The following HTR4 variants were observed in gnomAD, a reference collection of about 807,000 sequenced individuals.
The protein encoded by HTR4 is 5-hydroxytryptamine (serotonin) receptor 4, G protein-coupled.
A neutral mutation model predicts 36.8 loss-of-function variants in HTR4; 16 were observed. The observed-to-expected ratio is 0.43, with a 90% CI of 0.29 to 0.66. HTR4 has a LOEUF of 0.66. Ranked by LOEUF, HTR4 falls within the 30% of genes least tolerant of loss-of-function variation. HTR4 has a pLI of 0.13. For missense variants in HTR4, 438 were observed against 490.9 expected, an observed-to-expected ratio of 0.89 and a Z score of 1.02; for synonymous variants, 189 against 185.1, an observed-to-expected ratio of 1.02 and a Z score of -0.17.
intron 2 of HTR4, among the ~76,000 whole-genome samples, chr5:148,553,667 T>A (rs1759803564): frequency 6.6e-6 from 1 of 152,200 alleles, no homozygotes; most frequent in Non-Finnish European, 1.5e-5. Flanking sequence ...GGCAATGAGA[T>A]ACTAATTTGC....
At chr5:148,609,521 G>C (rs1752319149) in intron 2 of HTR4, among the ~76,000 whole-genome samples, 1 of 151,670 alleles carries the variant, frequency 6.6e-6, no homozygotes, top group African/African-American at 2.4e-5. Flanking sequence ...GATTTATTGA[G>C]AAAGGGCATA....
In HTR4 at chr5:148,483,120, G is replaced by A; in HGVS notation, c.*83C>T. 1 of 1,596,622 alleles carries A rather than the reference G, an allele frequency of 6.3e-7. No individual in the cohort carries two copies. Among genetic ancestry groups the A allele is most frequent in the Admixed American group, 1.7e-5 (1 of 58,648 alleles). On this transcript the variant is annotated 3_prime_UTR_variant, in exon 7 of 7. Coordinates refer to ENST00000377888, the MANE Select transcript of HTR4 (RefSeq NM_000870.7). ...AAAGCCTCAGGTGAAGAGAATACCG[G>A]GTGCAGTCGCGCACAAGCAGCAGCT...
chr5:148,564,717 C>T (rs1392416971), intron 2 of HTR4, among the ~76,000 whole-genome samples: 1 of 152,126 alleles, frequency 6.6e-6, no homozygotes, highest in Admixed American at 6.6e-5. Context: ...CAAGTTTCTC[C>T]AGAGAATATC....
intron 2 of HTR4, among the ~76,000 whole-genome samples, chr5:148,588,184 G>A (rs1214828153): frequency 1.3e-5 from 2 of 152,204 alleles, no homozygotes; most frequent in East Asian, 3.9e-4. Context: ...GTGGTTGCAA[G>A]ACCGATAGAC....
intron 2 of HTR4, among the ~76,000 whole-genome samples, chr5:148,598,171 A>C (rs1337428509): frequency 6.6e-6 from 1 of 152,238 alleles, no homozygotes; most frequent in East Asian, 1.9e-4. Flanking sequence ...AGAAGAAATG[A>C]GGAGGAGCTG....
At position 148,509,762 on chromosome 5, in the gene HTR4, G is replaced by T. The variant is rs201556123; in HGVS notation, c.770C>A (p.Ala257Glu). ...CATGATGATGCACAGGGTCTTGGCT[G>T]CTTTGGTCTCTGTCCTCATGCGATG... Reference protein sequence around the residue: ...STHRMRTETKAAKTLCIIMGC... With the variant: ...STHRMRTETKEAKTLCIIMGC... The change falls in exon 6 of 7, where the codon GCA becomes GAA. Residue 257 changes from alanine (A) to glutamate (E), a missense_variant. Physicochemically the swap from Ala to Glu is moderately radical, Grantham distance 107 (BLOSUM62 -1). Transcript: ENST00000377888. The T allele has an allele frequency of 3.1e-6, 5 of 1,614,078 alleles. No individual in the cohort carries two copies. The highest frequency in any genetic ancestry group is 4.2e-6 in the Non-Finnish European group (5 of 1,179,992).
At chr5:148,527,770 CA>C (rs1225346667) in intron 4 of HTR4, among the ~76,000 whole-genome samples, 2 of 152,284 alleles carry the variant, frequency 1.3e-5, no homozygotes, top group Admixed American at 1.3e-4. Context: ...TGCACCACCA[CA>C]CCCAGCTAAT....
chr5:148,615,166 C>A (rs1369475940), intron 2 of HTR4, among the ~76,000 whole-genome samples: 2 of 151,658 alleles, frequency 1.3e-5, no homozygotes, highest in Non-Finnish European at 2.9e-5. Flanking sequence ...TTGACCCAGC[C>A]ATCCCATTAC....
intron 2 of HTR4, among the ~76,000 whole-genome samples, chr5:148,597,264 T>A (rs1319213188): frequency 1.3e-5 from 2 of 152,214 alleles, no homozygotes; most frequent in African/African-American, 2.4e-5. Flanking sequence ...AGGATGCATG[T>A]CATATTCATT....
intron 2 of HTR4, among the ~76,000 whole-genome samples, chr5:148,627,663 A>T (rs1753169152): frequency 6.6e-6 from 1 of 152,238 alleles, no homozygotes; most frequent in African/African-American, 2.4e-5. Flanking sequence ...GGGAAAAAAG[A>T]TTCTTCTTAC....
intron 5 of HTR4, among the ~76,000 whole-genome samples, chr5:148,471,124 C>T (rs1179933774): frequency 1.3e-5 from 2 of 152,172 alleles, no homozygotes; most frequent in African/African-American, 2.4e-5. Context: ...ATTGTGTCAA[C>T]CCACACTACA....
At chr5:148,479,433 T>C (rs1458963569), downstream of HTR4, among the ~76,000 whole-genome samples, 2 of 152,156 alleles carry the variant, frequency 1.3e-5, no homozygotes, top group African/African-American at 4.8e-5. Context: ...AATTCAGTTA[T>C]TAGTTTTCAG....
intron 2 of HTR4, chr5:148,628,699 A>G (rs1753211354): frequency 6.6e-6 from 1 of 152,164 alleles, no homozygotes; most frequent in Admixed American, 6.5e-5. Context: ...TTCTTTTGTA[A>G]ATAAAGATAT....
chr5:148,648,381 A>T (rs569599121), intron 1 of HTR4, among the ~76,000 whole-genome samples: 1 of 152,202 alleles, frequency 6.6e-6, no homozygotes, highest in Non-Finnish European at 1.5e-5. Context: ...GCCACATGAC[A>T]CAGAAACCAG....
At chr5:148,592,019 T>G (rs1427882163) in intron 2 of HTR4, among the ~76,000 whole-genome samples, 1 of 152,034 alleles carries the variant, frequency 6.6e-6, no homozygotes, top group Admixed American at 6.6e-5. Flanking sequence ...ATAAAGAAAA[T>G]GTGGTACAGA....
chr5:148,526,544 T>C (rs1758285107), intron 4 of HTR4, among the ~76,000 whole-genome samples: 1 of 152,038 alleles, frequency 6.6e-6, no homozygotes, highest in Non-Finnish European at 1.5e-5. Context: ...GTCACAAAAA[T>C]CCAAAAGTTC....
chr5:148,553,883 C>T (rs1235910761), intron 2 of HTR4, among the ~76,000 whole-genome samples: 1 of 152,140 alleles, frequency 6.6e-6, no homozygotes, highest in Non-Finnish European at 1.5e-5. Context: ...CAGGGGTACA[C>T]CCGAAAGAAT....
intron 4 of HTR4, among the ~76,000 whole-genome samples, chr5:148,540,447 T>TATAA (rs1759064412): frequency 9.2e-6 from 1 of 108,958 alleles, no homozygotes; most frequent in Non-Finnish European, 1.9e-5. Flanking sequence ...TATATATATA[T>TATAA]AATCTTATAT....
At chr5:148,548,109 C>G (rs1455237994) in intron 4 of HTR4, among the ~76,000 whole-genome samples, 1 of 152,026 alleles carries the variant, frequency 6.6e-6, no homozygotes, top group Non-Finnish European at 1.5e-5. Context: ...TAAAATTATG[C>G]CACAAGAATG....
Sources: gnomAD v4.1 joint callset for allele counts (sites outside exome capture counted in the v4.1 genomes callset) on GRCh38, gnomAD v4.1.1 for gene constraint, MANE v1.5 for transcripts, NCBI Gene and HGNC (gene_info 2026-07-23, HGNC 2026-07-21) for gene names.